The following IGSF5 variants were observed in gnomAD, a reference collection of about 807,000 sequenced individuals.
The protein encoded by IGSF5 is immunoglobulin superfamily member 5, also known as immunoglobulin superfamily 5 like.
In IGSF5, 41 loss-of-function variants were observed where a neutral mutation model predicts 39.4. The observed-to-expected ratio is 1.04, with a 90% CI of 0.81 to 1.35. The LOEUF is 1.35. Among genes scored for constraint, IGSF5 ranks in the 40% most tolerant of loss-of-function variants. The pLI is 0.00. For synonymous variants in IGSF5, 183 were observed against 175.3 expected, an observed-to-expected ratio of 1.04 and a Z score of -0.34; for missense variants, 487 against 494.6, an observed-to-expected ratio of 0.98 and a Z score of 0.15.
chr21:39,776,866 C>T (rs1479244905), intron 4 of IGSF5, among the ~76,000 whole-genome samples: 1 of 152,186 alleles, frequency 6.6e-6, no homozygotes, highest in Non-Finnish European at 1.5e-5. Flanking sequence ...CATTGGTTAA[C>T]CCCAGCCAGC....
chr21:39,735,373 G>T, the IGSF5 span, among the ~76,000 whole-genome samples: 4 of 152,190 alleles, frequency 2.6e-5, no homozygotes, highest in African/African-American at 9.6e-5. Context: ...TTAACTATGG[G>T]TGCTACTGAA....
chr21:39,727,323 G>A, the IGSF5 span, among the ~76,000 whole-genome samples: 5,385 of 152,260 alleles, frequency 0.035, 362 homozygotes, highest in African/African-American at 0.12. Flanking sequence ...ACTAGTGGAC[G>A]AGCAGGCAAA....
chr21:39,768,854 G>A (rs1478772618), intron 3 of IGSF5, among the ~76,000 whole-genome samples: 5 of 152,150 alleles, frequency 3.3e-5, no homozygotes, highest in South Asian at 2.1e-4. Flanking sequence ...TTTCAGAGCC[G>A]ACCCAGTTCA....
chr21:39,794,016 T>A (rs2086980919), intron 8 of IGSF5, among the ~76,000 whole-genome samples: 1 of 152,330 alleles, frequency 6.6e-6, no homozygotes, highest in Admixed American at 6.5e-5. Flanking sequence ...TCATCTGTAC[T>A]TGGACCCTTG....
At chr21:39,766,848 C>G (rs1317964788) in intron 3 of IGSF5, among the ~76,000 whole-genome samples, 1 of 151,866 alleles carries the variant, frequency 6.6e-6, no homozygotes, top group Non-Finnish European at 1.5e-5. Context: ...TTTCTTATCT[C>G]TATATATTTA....
the IGSF5 span, among the ~76,000 whole-genome samples, chr21:39,738,076 A>G: frequency 2.0e-5 from 3 of 152,156 alleles, no homozygotes; most frequent in Non-Finnish European, 4.4e-5. The surrounding 1 kb of genome is among the most constrained non-coding windows in gnomAD (Gnocchi z 6.4). Flanking sequence ...CTATCTATAT[A>G]TCACACTTCT....
intron 5 of IGSF5, among the ~76,000 whole-genome samples, chr21:39,783,810 A>G (rs892955484): frequency 6.6e-6 from 1 of 152,166 alleles, no homozygotes; most frequent in Non-Finnish European, 1.5e-5. Flanking sequence ...AATGTCCTGA[A>G]GGATTTATCC....
At position 39,745,490 on chromosome 21, in the gene IGSF5, G is replaced by A. The variant is rs546771043; in HGVS notation, c.-20G>A. 2.7e-5 allele frequency: 19 copies of A among 715,784 alleles called. No homozygotes were observed. The highest frequency in any genetic ancestry group is 1.2e-4 in the Admixed American group (6 of 49,990). 44.3% of individuals were successfully genotyped at this position (715,784 alleles called of 1,614,324 possible). A position where few individuals can be genotyped will look rare whatever the true frequency, so the allele number is the denominator to read the frequency against. On this transcript the variant is annotated 5_prime_UTR_variant, in exon 1 of 9. In the 5' UTR this introduces an upstream ATG that the reference lacks. Coordinates refer to ENST00000380588, the MANE Select transcript of IGSF5 (RefSeq NM_001080444.2). ...TTGGGGCTATACTTTCAAGAAAGTCGTGTTCGGGACCCAGGAGGTATGGGT... is the reference window on the plus strand; with the variant it reads ...TTGGGGCTATACTTTCAAGAAAGTCATGTTCGGGACCCAGGAGGTATGGGT...
At chr21:39,790,119 G>A (rs2086954953) in intron 6 of IGSF5, among the ~76,000 whole-genome samples, 1 of 152,106 alleles carries the variant, frequency 6.6e-6, no homozygotes, top group Non-Finnish European at 1.5e-5. Flanking sequence ...CCCCAAAGGT[G>A]ACATTCTTCT....
the IGSF5 span, among the ~76,000 whole-genome samples, chr21:39,736,338 A>T: frequency 1.3e-5 from 2 of 152,226 alleles, no homozygotes; most frequent in African/African-American, 4.8e-5. Flanking sequence ...ATGCAAATCT[A>T]AACTTTGTGA....
intron 8 of IGSF5, among the ~76,000 whole-genome samples, chr21:39,795,135 C>T (rs936358277): frequency 6.6e-6 from 1 of 152,170 alleles, no homozygotes; most frequent in South Asian, 2.1e-4. Context: ...TGACTTTCCT[C>T]AGGCCGGGTG....
chr21:39,731,547 T>C, the IGSF5 span, among the ~76,000 whole-genome samples: 2 of 152,212 alleles, frequency 1.3e-5, no homozygotes, highest in Non-Finnish European at 2.9e-5. Context: ...TTCCTCCGGC[T>C]AGCAGCAAAC....
At position 39,802,039 on chromosome 21, in the gene IGSF5, A is replaced by G. The variant is rs2087033198; in HGVS notation, c.*682A>G. 6.6e-6 allele frequency: 1 copy of G among 152,226 alleles called. No homozygotes were observed. Among genetic ancestry groups the G allele is most frequent in the Non-Finnish European group, 1.5e-5 (1 of 68,048 alleles). 9.4% of individuals were successfully genotyped at this position (152,226 alleles called of 1,614,324 possible). On this transcript the variant is annotated 3_prime_UTR_variant, in exon 9 of 9. Transcript: ENST00000380588. ...TCCGCACACCGTGAAAAAACTGGAA[A>G]TGGGCATTGTAGTCTTTAATTAATA...
chr21:39,786,296 AG>A (rs1443947239), intron 5 of IGSF5, among the ~76,000 whole-genome samples: 1 of 152,096 alleles, frequency 6.6e-6, no homozygotes, highest in Non-Finnish European at 1.5e-5. Context: ...AAGTGGGCAA[AG>A]GACATGAACA....
In IGSF5 at chr21:39,786,788, G is replaced by A. The variant is rs12626208; in HGVS notation, c.935-1379G>A. On this transcript the variant is annotated intron_variant, in intron 5 of 8. Coordinates refer to ENST00000380588, the MANE Select transcript of IGSF5 (RefSeq NM_001080444.2). ...GAATACTATGCAGCCATAAAAAATG[G>A]TGAGTTCATGTCCTTTGTAGGGACA... Among the ~76,000 whole-genome samples, 23 of 152,270 alleles carry A rather than the reference G, an allele frequency of 1.5e-4. No individual in the cohort carries two copies. The South Asian group carries it at 2.5e-3, about 17-fold the overall frequency.
intron 6 of IGSF5, among the ~76,000 whole-genome samples, chr21:39,788,478 A>G (rs2086938218): frequency 6.6e-6 from 1 of 152,228 alleles, no homozygotes; most frequent in South Asian, 2.1e-4. Context: ...AGCTCTTTCC[A>G]CAAGAGGACA....
chr21:39,713,479 G>C, the IGSF5 span, among the ~76,000 whole-genome samples: 1 of 152,260 alleles, frequency 6.6e-6, no homozygotes, highest in Non-Finnish European at 1.5e-5. Context: ...CTAAGGGTCT[G>C]TGCTGTGATT....
At chr21:39,724,588 T>C in the IGSF5 span, among the ~76,000 whole-genome samples, 3 of 152,378 alleles carry the variant, frequency 2.0e-5, no homozygotes, top group Non-Finnish European at 4.4e-5. Flanking sequence ...GACTTGCTCT[T>C]CCTTGCCTTC....
intron 4 of IGSF5, among the ~76,000 whole-genome samples, chr21:39,777,692 G>A (rs1020049632): frequency 6.6e-6 from 1 of 152,178 alleles, no homozygotes; most frequent in Non-Finnish European, 1.5e-5. Context: ...TAATCCTACA[G>A]TTCTGCTCTG....
Sources: allele counts gnomAD v4.1 joint callset (sites outside exome capture counted in the v4.1 genomes callset), GRCh38; gene constraint gnomAD v4.1.1; non-coding constraint Gnocchi (gnomAD v3.1); transcripts MANE v1.5; gene names NCBI Gene and HGNC (gene_info 2026-07-23, HGNC 2026-07-21).